KCTD1: variants seen among roughly 807,000 people sequenced by gnomAD.
KCTD1 encodes potassium channel tetramerization domain containing 1, also known as BTB/POZ domain-containing protein KCTD1.
KCTD1 carries 24 observed loss-of-function variants against 66.0 expected under a neutral mutation model. The observed-to-expected ratio is 0.36, with a 90% CI of 0.26 to 0.51. KCTD1 has a LOEUF of 0.51. Among genes scored for constraint, KCTD1 ranks in the 20% least tolerant of loss-of-function variants. The pLI is 0.95. For missense variants in KCTD1, 943 were observed against 1,205.2 expected (o/e 0.78, Z 3.22); for synonymous variants, 511 against 517.2 (o/e 0.99, Z 0.16).
intron 1 of KCTD1, among the ~76,000 whole-genome samples, chr18:26,518,681 T>C (rs1301927458): frequency 6.6e-6 from 1 of 152,232 alleles, no homozygotes; most frequent in East Asian, 1.9e-4. Context: ...TCACACACCA[T>C]CCTTACTCCT....
rs543198722 is a variant in KCTD1 at position 26,640,070 on chromosome 18, G to A, written c.-107+241C>T. On this transcript the variant is annotated intron_variant, in intron 1 of 5. Transcript: ENST00000579973. ...AGGTGGGACAAGCGTGGTGGCCACG[G>A]CAATGGTCCAGAGAAGAGAGGTCTA... 1.3e-3 allele frequency among the ~76,000 whole-genome samples: 193 copies of A among 152,272 alleles called. 1 individual carries two copies. Among genetic ancestry groups the A allele is most frequent in the Middle Eastern group, 6.8e-3 (2 of 294 alleles).
rs1266855198 is a variant in KCTD1, at chr18:26,607,621, AT to A, written c.-16+21525del. Among the ~76,000 whole-genome samples, 7 of 152,304 alleles carry A rather than the reference AT, an allele frequency of 4.6e-5. No homozygotes were observed. The East Asian group carries it at 1.3e-3, about 29-fold the overall frequency. ...CCACTCACCCAAATTTCAGTCACTG[AT>A]CACATATTGGAGGATGTGTTTATAC... On this transcript the variant is annotated intron_variant, in intron 1 of 4. Transcript: ENST00000317932.
At chr18:26,625,637 C>T (rs901305530) in intron 1 of KCTD1, among the ~76,000 whole-genome samples, 12 of 152,170 alleles carry the variant, frequency 7.9e-5, no homozygotes, top group Non-Finnish European at 1.6e-4. Flanking sequence ...TTTGGCAGTT[C>T]TTTATAGCAG....
At chr18:26,597,567 G>T (rs1341911706) in intron 1 of KCTD1, among the ~76,000 whole-genome samples, 2 of 151,816 alleles carry the variant, frequency 1.3e-5, no homozygotes, top group Non-Finnish European at 2.9e-5. Flanking sequence ...CTATGTGTAT[G>T]TACATACATG....
intron 2 of KCTD1, among the ~76,000 whole-genome samples, chr18:26,500,261 TAA>T (rs1212305692): frequency 1.5e-5 from 2 of 134,048 alleles, no homozygotes. Flanking sequence ...ACAAAAAATT[TAA>T]AAAAAAAAAA....
intron 1 of KCTD1, among the ~76,000 whole-genome samples, chr18:26,606,068 G>T (rs1291233779): frequency 6.6e-6 from 1 of 152,116 alleles, no homozygotes; most frequent in African/African-American, 2.4e-5. Flanking sequence ...CAGGTCATAG[G>T]TAGATTTAAA....
chr18:26,537,336 G>A (rs1984756719), intron 1 of KCTD1, among the ~76,000 whole-genome samples: 1 of 151,994 alleles, frequency 6.6e-6, no homozygotes, highest in Non-Finnish European at 1.5e-5. Context: ...ATATAAACTG[G>A]CTTAATACAA....
intron 1 of KCTD1, among the ~76,000 whole-genome samples, chr18:26,522,384 C>T (rs1567978809): frequency 6.6e-6 from 1 of 152,156 alleles, no homozygotes; most frequent in Non-Finnish European, 1.5e-5. Flanking sequence ...AACCCACGAG[C>T]AGCTAGGAAG....
chr18:26,545,225 G>A (rs1404631933), intron 1 of KCTD1: 2 of 152,144 alleles, frequency 1.3e-5, no homozygotes, highest in Non-Finnish European at 1.5e-5. Flanking sequence ...TTAATCAGGT[G>A]CTATTCTAAA....
intron 1 of KCTD1, among the ~76,000 whole-genome samples, chr18:26,647,033 C>G (rs1055089219): frequency 6.6e-6 from 1 of 152,180 alleles, no homozygotes; most frequent in African/African-American, 2.4e-5. Flanking sequence ...GTCTTGAACT[C>G]CTGTGGCTAT....
At chr18:26,627,036 A>G (rs969454216) in intron 1 of KCTD1, among the ~76,000 whole-genome samples, 2 of 152,206 alleles carry the variant, frequency 1.3e-5, no homozygotes, top group Non-Finnish European at 2.9e-5. Flanking sequence ...GAAGATTTCA[A>G]GGCCTAACTT....
intron 1 of KCTD1, chr18:26,581,069 T>A (rs1598950997): frequency 6.6e-6 from 1 of 152,342 alleles, no homozygotes; most frequent in Non-Finnish European, 1.5e-5. Context: ...TATAACATTT[T>A]GGTATGTGTT....
intron 1 of KCTD1, among the ~76,000 whole-genome samples, chr18:26,555,848 C>A (rs1400288930): frequency 6.6e-6 from 1 of 152,002 alleles, no homozygotes; most frequent in Non-Finnish European, 1.5e-5. Context: ...ACTTAAAGGG[C>A]AAAACAAGAT....
rs867969435 is a variant in KCTD1, at chr18:26,459,720, C to T, written c.2339G>A (p.Gly780Asp). ...ATTGACAGAGTTACACATCACGTCG[C>T]CGATCTCTGGAAATACTTCTTCTAT... is the stretch of plus-strand genomic sequence containing the variant. ...SLIEEVFPEI[G>D]DVMCNSVNAG... The change falls in exon 4 of 5, where the codon GGC (glycine) becomes GAC (aspartate). Residue 780 changes from glycine to aspartate, a missense_variant. Coordinates refer to ENST00000580059, the MANE Select transcript of KCTD1 (RefSeq NM_001142730.3). 6.2e-7 allele frequency: 1 copy of T among 1,614,160 alleles called. No individual in the cohort carries two copies. Among genetic ancestry groups the T allele is most frequent in the Non-Finnish European group, 8.5e-7 (1 of 1,179,998 alleles).
chr18:26,570,896 T>C (rs1986092160), intron 1 of KCTD1, among the ~76,000 whole-genome samples: 1 of 152,272 alleles, frequency 6.6e-6, no homozygotes, highest in Non-Finnish European at 1.5e-5. Context: ...TCTATTATTC[T>C]GTGAGGTTGT....
intron 1 of KCTD1, among the ~76,000 whole-genome samples, chr18:26,619,990 C>T (rs1987338063): frequency 6.6e-6 from 1 of 152,118 alleles, no homozygotes; most frequent in Non-Finnish European, 1.5e-5. Context: ...TATGCACTTA[C>T]CTAGTCATAC....
intron 2 of KCTD1, among the ~76,000 whole-genome samples, chr18:26,487,016 A>C (rs901145823): frequency 1.1e-4 from 17 of 152,304 alleles, no homozygotes; most frequent in Non-Finnish European, 1.9e-4. Context: ...TTGGACACCT[A>C]ACAGAAGATA....
rs1247193902 is a variant in KCTD1, at chr18:26,547,237, G to A, written c.1300C>T (p.Arg434Trp). The change falls in exon 1 of 5, where the codon CGG (arginine) becomes TGG (tryptophan). Residue 434 changes from arginine (R) to tryptophan (W), a missense_variant. Around this residue, in one of 10 missense-constraint regions of KCTD1, gnomAD observed 79 missense variants for 133.9 expected, o/e 0.59. Coordinates refer to ENST00000580059, the MANE Select transcript of KCTD1 (RefSeq NM_001142730.3). ...KAIGKNLLGTRMQMLSKAAKL... is the reference protein window; with the variant it reads ...KAIGKNLLGTWMQMLSKAAKL... ...GCCGCCTTGGAGAGCATCTGCATCCGAGTGCCTAGCAAGTTCTTGCCGATG... is the reference window on the plus strand; with the variant it reads ...GCCGCCTTGGAGAGCATCTGCATCCAAGTGCCTAGCAAGTTCTTGCCGATG... The A allele has an allele frequency of 6.4e-7, 1 of 1,551,558 alleles. No individual in the cohort carries two copies. The highest frequency in any genetic ancestry group is 1.4e-5 in the African/African-American group (1 of 73,184).
intron 1 of KCTD1, among the ~76,000 whole-genome samples, chr18:26,546,010 G>T (rs971744820): frequency 3.9e-5 from 6 of 151,976 alleles, no homozygotes; most frequent in African/African-American, 1.5e-4. Context: ...AGTGAGCTCC[G>T]TGGGGCTAGG....
Sources: gnomAD v4.1 joint callset for allele counts (sites outside exome capture counted in the v4.1 genomes callset) on GRCh38, gnomAD v4.1.1 for gene constraint, gnomAD v4.1.1 regional missense constraint, MANE v1.5 for transcripts, NCBI Gene and HGNC (gene_info 2026-07-23, HGNC 2026-07-21) for gene names.